KIAA1549: variants seen among roughly 807,000 people sequenced by gnomAD.
KIAA1549 encodes the protein UPF0606 protein KIAA1549.
KIAA1549 carries 70 observed loss-of-function variants against 156.4 expected under a neutral mutation model. The ratio of observed to expected loss-of-function variants is 0.45; its 90% CI spans 0.37 to 0.55. The LOEUF (loss-of-function observed/expected upper bound fraction) is 0.55, where lower values mean the gene tolerates loss of function less well. KIAA1549 is among the 20% of genes least tolerant of loss of function. The pLI is 0.00. For synonymous variants in KIAA1549, 1,103 were observed against 1,066.4 expected, an observed-to-expected ratio of 1.03 and a Z score of -0.67; for missense variants, 2,428 against 2,540.9, an observed-to-expected ratio of 0.96 and a Z score of 0.96.
At chr7:138,945,805 T>C (rs990139857) in intron 1 of KIAA1549, among the ~76,000 whole-genome samples, 2 of 152,170 alleles carry the variant, frequency 1.3e-5, no homozygotes, top group African/African-American at 4.8e-5. Context: ...CTCACGCCTG[T>C]AATCCTAGTA....
intron 13 of KIAA1549, 141 bp downstream of exon 13, chr7:138,871,016 C>G: frequency 1.4e-6 from 1 of 697,012 alleles, no homozygotes; most frequent in South Asian, 1.8e-5. Flanking sequence ...GGCGTTTCAC[C>G]ATGTTGGCCA....
intron 2 of KIAA1549, among the ~76,000 whole-genome samples, chr7:138,912,909 C>T (rs1251937181): frequency 6.6e-6 from 1 of 152,198 alleles, no homozygotes; most frequent in African/African-American, 2.4e-5. Context: ...GAGACCCGCT[C>T]TGTCGCCCAG....
chr7:138,968,138 T>G (rs145815660), intron 1 of KIAA1549, among the ~76,000 whole-genome samples: 1 of 152,042 alleles, frequency 6.6e-6, no homozygotes, highest in African/African-American at 2.4e-5. Flanking sequence ...AGCTAAACAA[T>G]GAGATCACAT....
chr7:138,868,847 C>T (rs1450461432), intron 14 of KIAA1549, among the ~76,000 whole-genome samples: 1 of 152,182 alleles, frequency 6.6e-6, no homozygotes, highest in Admixed American at 6.5e-5. Context: ...AGGCCGTCTC[C>T]TGGGTGGCAG....
intron 1 of KIAA1549, among the ~76,000 whole-genome samples, chr7:138,959,518 G>A (rs946441929): frequency 2.0e-5 from 3 of 152,156 alleles, no homozygotes; most frequent in African/African-American, 7.2e-5. Context: ...TTAACCTAAC[G>A]CGCATTTTAC....
chr7:138,943,705 C>T (rs1166330810), intron 1 of KIAA1549, among the ~76,000 whole-genome samples: 2 of 152,094 alleles, frequency 1.3e-5, no homozygotes, highest in East Asian at 1.9e-4. Flanking sequence ...AAAATTTAGC[C>T]GGGTGTAGTG....
chr7:138,980,822 G>A (rs990378347), intron 1 of KIAA1549, among the ~76,000 whole-genome samples: 1 of 152,328 alleles, frequency 6.6e-6, no homozygotes, highest in Non-Finnish European at 1.5e-5. Flanking sequence ...ACCCGCTTCG[G>A]GTTCCATGGA....
At chr7:138,888,409 A>C (rs928526694) in intron 10 of KIAA1549, among the ~76,000 whole-genome samples, 3 of 152,224 alleles carry the variant, frequency 2.0e-5, no homozygotes, top group African/African-American at 7.2e-5. Flanking sequence ...ATCTGTGTCC[A>C]GGTTGCTTGA....
At chr7:138,872,191 C>A (rs1168599567) in intron 12 of KIAA1549, among the ~76,000 whole-genome samples, 1 of 152,094 alleles carries the variant, frequency 6.6e-6, no homozygotes, top group Non-Finnish European at 1.5e-5. Context: ...AAGTGATCCA[C>A]CTGCCTCGGC....
intron 19 of KIAA1549, among the ~76,000 whole-genome samples, chr7:138,839,681 A>G (rs1809847618): frequency 6.6e-6 from 1 of 151,156 alleles, no homozygotes; most frequent in African/African-American, 2.4e-5. Context: ...AAACACCAGG[A>G]GGCAGGAAAA....
intron 14 of KIAA1549, among the ~76,000 whole-genome samples, chr7:138,869,275 G>A (rs1185385945): frequency 6.6e-6 from 1 of 152,234 alleles, no homozygotes; most frequent in African/African-American, 2.4e-5. Flanking sequence ...AATGCCCCGA[G>A]GCAGGCAGAG....
intron 10 of KIAA1549, among the ~76,000 whole-genome samples, chr7:138,883,089 T>TA (rs1201752539): frequency 0.02 from 936 of 47,052 alleles, 261 homozygotes; most frequent in East Asian, 0.15. Context: ...CCATCTCCCC[T>TA]AAAAAAAAAA....
At chr7:138,904,621 C>CAAAAAAAAAAAAAAA (rs768150554) in intron 7 of KIAA1549, among the ~76,000 whole-genome samples, 1 of 45,744 alleles carries the variant, frequency 2.2e-5, no homozygotes, top group Non-Finnish European at 5.0e-5. Context: ...TCCCCTAAGA[C>CAAAAAAAAAAAAAAA]AAAAAAAAAA....
In KIAA1549 at chr7:138,866,617, C is replaced by T. The variant is rs1011187101; in HGVS notation, c.4929+1358G>A. Among the ~76,000 whole-genome samples, 3 of 152,152 alleles carry T rather than the reference C, an allele frequency of 2.0e-5. No homozygotes were observed. The East Asian group carries it at 5.8e-4, about 29-fold the overall frequency. ...TGTTTCCCAGTGCTGCCGGAGTTAGCGGCACCTGGCTCGCCCTCTCTGTCT... is the reference window on the plus strand; with the variant it reads ...TGTTTCCCAGTGCTGCCGGAGTTAGTGGCACCTGGCTCGCCCTCTCTGTCT... On this transcript the variant is annotated intron_variant, in intron 15 of 19. Coordinates refer to ENST00000422774, the MANE Select transcript of KIAA1549 (RefSeq NM_001164665.2).
At chr7:138,892,664 A>G (rs1021044842) in intron 10 of KIAA1549, among the ~76,000 whole-genome samples, 1 of 152,222 alleles carries the variant, frequency 6.6e-6, no homozygotes, top group African/African-American at 2.4e-5. Context: ...TTGCAATTTA[A>G]TAAATACTTT....
chr7:138,853,961 A>G (rs151122316), intron 16 of KIAA1549, among the ~76,000 whole-genome samples: 1,835 of 152,266 alleles, frequency 0.012, 33 homozygotes, highest in African/African-American at 0.041. Flanking sequence ...AATGAAAAAT[A>G]GCTGTCCGCT....
chr7:138,905,371 C>A (rs1012097244), intron 6 of KIAA1549, among the ~76,000 whole-genome samples: 16 of 152,344 alleles, frequency 1.1e-4, no homozygotes, highest in Non-Finnish European at 2.2e-4. Context: ...CACAGCAATC[C>A]ATGTTCACAC....
In KIAA1549 at chr7:138,862,668, C is replaced by T. The variant is rs545715352; in HGVS notation, c.4930-1212G>A. On this transcript the variant is annotated intron_variant, in intron 15 of 19. Coordinates refer to ENST00000422774, the MANE Select transcript of KIAA1549 (RefSeq NM_001164665.2). ...TAAATTGGCCAGACACAGTGGCTCA[C>T]GCCTGTAATCCCAGCACTTTGGGAG... Among the ~76,000 whole-genome samples the T allele has an allele frequency of 5.9e-5, 9 of 152,254 alleles. No homozygotes were observed. The South Asian group carries it at 8.3e-4, about 14-fold the overall frequency.
At chr7:138,892,755 C>G (rs774651551) in intron 10 of KIAA1549, among the ~76,000 whole-genome samples, 44 of 152,190 alleles carry the variant, frequency 2.9e-4, no homozygotes, top group Non-Finnish European at 5.6e-4. Flanking sequence ...TAAAGTAATG[C>G]ATATTTTTTT....
Sources: gnomAD v4.1 joint callset for allele counts (sites outside exome capture counted in the v4.1 genomes callset) on GRCh38, gnomAD v4.1.1 for gene constraint, MANE v1.5 for transcripts, NCBI Gene and HGNC (gene_info 2026-07-23, HGNC 2026-07-21) for gene names.